The following PNPLA3 variants were observed in gnomAD, a reference collection of about 807,000 sequenced individuals.
The protein encoded by PNPLA3 is 1-acylglycerol-3-phosphate O-acyltransferase PNPLA3.
PNPLA3 carries 42 observed loss-of-function variants against 43.1 expected under a neutral mutation model. That is an observed-to-expected ratio of 0.97 (90% CI 0.76 to 1.26). The LOEUF is 1.26. Ranked by LOEUF, PNPLA3 falls within the 50% of genes most tolerant of loss-of-function variation. The pLI is 0.00. For synonymous variants in PNPLA3, 272 were observed against 253.6 expected, an observed-to-expected ratio of 1.07 and a Z score of -0.69; for missense variants, 647 against 621.4, an observed-to-expected ratio of 1.04 and a Z score of -0.44.
Position 43,928,840 on chromosome 22 carries a change from G to A in PNPLA3, c.437G>A (p.Cys146Tyr), listed in dbSNP as rs2146776408. The A allele has an allele frequency of 6.2e-7, 1 of 1,611,590 alleles. No individual in the cohort carries two copies. The highest frequency in any genetic ancestry group is 8.5e-7 in the Non-Finnish European group (1 of 1,177,840). The change falls in exon 3 of 9, where the codon TGC becomes TAC. Residue 146 changes from cysteine to tyrosine, a missense_variant. By Grantham distance (194) the Cys-to-Tyr change is radical. Transcript: ENST00000216180. ...DEVVDALVCS[C>Y]FIPFYSGLIP... ...CTTTCACAGGCCTTGGTATGTTCCTGCTTCATCCCCTTCTACAGTGGCCTT... is the reference window on the plus strand; with the variant it reads ...CTTTCACAGGCCTTGGTATGTTCCTACTTCATCCCCTTCTACAGTGGCCTT...
chr22:43,940,086 G>T lies in PNPLA3; in HGVS notation c.1073G>T (p.Cys358Phe). 1.2e-6 allele frequency: 2 copies of T among 1,614,146 alleles called. No homozygotes were observed. The highest frequency in any genetic ancestry group is 1.7e-6 in the Non-Finnish European group (2 of 1,180,006). Residue 358 changes from cysteine (C) to phenylalanine (F), a missense_variant, in exon 7 of 9, where the codon TGT (cysteine) becomes TTT (phenylalanine). Cys to Phe is a radical substitution (Grantham distance 205). Coordinates refer to ENST00000216180, the MANE Select transcript of PNPLA3 (RefSeq NM_025225.3). ...IRIMSYVMLPCTLPVESAIAI... is the reference protein window; with the variant it reads ...IRIMSYVMLPFTLPVESAIAI... ...ATAATGTCTTATGTAATGCTGCCCTGTACCCTGCCTGTGGAATCTGCCATT... is the reference window on the plus strand; with the variant it reads ...ATAATGTCTTATGTAATGCTGCCCTTTACCCTGCCTGTGGAATCTGCCATT...
chr22:43,939,917 G>A (rs1331696602), intron 6 of PNPLA3, 76 bp from the exon 7 acceptor site: 2 of 1,596,776 alleles, frequency 1.3e-6, no homozygotes, highest in Non-Finnish European at 1.7e-6. Flanking sequence ...TTATGGAAAT[G>A]CTAAGCACCA....
At chr22:43,943,555 T>G (rs953623563) in intron 7 of PNPLA3, among the ~76,000 whole-genome samples, 1 of 152,202 alleles carries the variant, frequency 6.6e-6, no homozygotes, top group Non-Finnish European at 1.5e-5. Flanking sequence ...AGTAATCTGT[T>G]GAAATATATA....
chr22:43,945,741 G>T (rs970852738), intron 8 of PNPLA3, among the ~76,000 whole-genome samples: 2 of 152,132 alleles, frequency 1.3e-5, no homozygotes, highest in African/African-American at 4.8e-5. Flanking sequence ...AGACCGAGAG[G>T]CTTCCTAAGG....
At chr22:43,939,110 G>A (rs2050014726) in intron 6 of PNPLA3, among the ~76,000 whole-genome samples, 1 of 152,096 alleles carries the variant, frequency 6.6e-6, no homozygotes, top group Non-Finnish European at 1.5e-5. Flanking sequence ...GTTTTCAGTA[G>A]AGACAGGGTT....
At chr22:43,924,919 G>A (rs1216139735) in intron 1 of PNPLA3, among the ~76,000 whole-genome samples, 4 of 152,068 alleles carry the variant, frequency 2.6e-5, no homozygotes, top group Non-Finnish European at 5.9e-5. Context: ...GAATGCTGGG[G>A]TTACAGGCGT....
In PNPLA3 at chr22:43,927,013, A is replaced by G. The variant is rs1569008881; in HGVS notation, c.266A>G (p.Asn89Ser). 1 of 1,614,206 alleles carries G rather than the reference A, an allele frequency of 6.2e-7. No homozygotes were observed. The highest frequency in any genetic ancestry group is 8.5e-7 in the Non-Finnish European group (1 of 1,180,048). The change falls in exon 2 of 9, where the codon AAC becomes AGC. Residue 89 changes from asparagine to serine, a missense_variant. Asn to Ser is a conservative substitution (Grantham distance 46, BLOSUM62 1). Transcript: ENST00000216180. ...ATTGGCATCTTCCATCCATCCTTCA[A>G]CTTAAGCAAGTTCCTCCGACAGGGT... ...RNIGIFHPSF[N>S]LSKFLRQGLC... is the part of the protein sequence containing the mutation.
At chr22:43,939,965 G>T (rs765574516) in intron 6 of PNPLA3, 28 bp from the exon 7 acceptor site, 4 of 1,614,050 alleles carry the variant, frequency 2.5e-6, no homozygotes, top group African/African-American at 2.7e-5. Flanking sequence ...AGTGGTGGGA[G>T]ATAATAGCTC....
At chr22:43,930,033 T>C (rs1734030622) in intron 3 of PNPLA3, among the ~76,000 whole-genome samples, 1 of 152,186 alleles carries the variant, frequency 6.6e-6, no homozygotes, top group Non-Finnish European at 1.5e-5. Flanking sequence ...TTTAGGGTAA[T>C]TTTTGAACTC....
intron 7 of PNPLA3, among the ~76,000 whole-genome samples, chr22:43,940,429 C>T (rs1267864049): frequency 3.9e-5 from 6 of 152,208 alleles, no homozygotes; most frequent in South Asian, 2.1e-4. Flanking sequence ...AGCTTGGGGT[C>T]ACTGCTCTGA....
chr22:43,932,890 G>A lies in PNPLA3; in HGVS notation c.499G>A (p.Gly167Arg). Residue 167 changes from glycine (G) to arginine (R), a missense_variant, in exon 4 of 9, where the codon GGA becomes AGA. Gly to Arg is a moderately radical substitution (Grantham distance 125). Coordinates refer to ENST00000216180, the MANE Select transcript of PNPLA3 (RefSeq NM_025225.3). ...CCTTCTTTAAAAGCGATATGTGGAT[G>A]GAGGAGTGAGTGACAACGTACCCTT... The part of the protein sequence containing the change: ...PSFRGVRYVD[G>R]GVSDNVPFID... 1 of 1,614,174 alleles carries A rather than the reference G, an allele frequency of 6.2e-7. No individual in the cohort carries two copies. Among genetic ancestry groups the A allele is most frequent in the Non-Finnish European group, 8.5e-7 (1 of 1,180,004 alleles).
chr22:43,934,539 A>C (rs1429475219), intron 4 of PNPLA3, 67 bp from the exon 5 acceptor site: 1 of 1,480,222 alleles, frequency 6.8e-7, no homozygotes, highest in African/African-American at 1.4e-5. Flanking sequence ...GCGGTCTTCC[A>C]ATGATGCTGA....
At chr22:43,944,206 C>T (rs36069781) in intron 7 of PNPLA3, among the ~76,000 whole-genome samples, 31,031 of 152,072 alleles carry the variant, frequency 0.2, 3,691 homozygotes, top group East Asian at 0.39. Flanking sequence ...CCACCACTGC[C>T]GGGGGGATGT....
At chr22:43,927,261 G>C in intron 2 of PNPLA3, 94 bp downstream of exon 2, 1 of 1,147,842 alleles carries the variant, frequency 8.7e-7, no homozygotes, top group Non-Finnish European at 1.3e-6. Flanking sequence ...CACTTTGGGA[G>C]GCCGAAGCGG....
chr22:43,944,366 G>T (rs942868465), intron 7 of PNPLA3, among the ~76,000 whole-genome samples: 1 of 152,240 alleles, frequency 6.6e-6, no homozygotes, highest in African/African-American at 2.4e-5. Context: ...TGAGGCAGGG[G>T]ATGGTCTTGA....
Position 43,926,960 on chromosome 22 carries a change from T to C in PNPLA3, c.213T>C (p.Asp71=). 1 of 1,614,236 alleles carries C rather than the reference T, an allele frequency of 6.2e-7. No homozygotes were observed. The highest frequency in any genetic ancestry group is 1.1e-5 in the South Asian group (1 of 91,084). Reference sequence around the variant, plus strand: ...AGCAGACTCTGCAGGTCCTCTCAGATCTTGTGCGGAAGGCCAGGAGTCGGA... The same window carrying C: ...AGCAGACTCTGCAGGTCCTCTCAGACCTTGTGCGGAAGGCCAGGAGTCGGA... ...PLEQTLQVLS[D]LVRKARSRNI... Residue 71 remains aspartate (D), a synonymous_variant, in exon 2 of 9, where the codon GAT becomes GAC. Coordinates refer to ENST00000216180, the MANE Select transcript of PNPLA3 (RefSeq NM_025225.3).
chr22:43,931,000 G>T (rs1185490089), intron 3 of PNPLA3, among the ~76,000 whole-genome samples: 1 of 152,134 alleles, frequency 6.6e-6, no homozygotes, highest in Non-Finnish European at 1.5e-5. Context: ...GGTGGCGGGC[G>T]CCTGTAGTCC....
At chr22:43,936,948 A>G in intron 5 of PNPLA3, 103 bp from the exon 6 acceptor site, 1 of 906,828 alleles carries the variant, frequency 1.1e-6, no homozygotes, top group East Asian at 2.6e-5. Flanking sequence ...CATTTGGCTA[A>G]TAACAGGCCA....
At position 43,944,612 on chromosome 22, in the gene PNPLA3, T is replaced by A. The variant is rs544429235; in HGVS notation, c.1113-79T>A. The A allele has an allele frequency of 3.3e-6, 4 of 1,214,038 alleles. No individual in the cohort carries two copies. The South Asian group carries it at 4.9e-5, about 15-fold the overall frequency. 75.2% of individuals were successfully genotyped at this position (1,214,038 alleles called of 1,614,324 possible). On this transcript the variant is annotated intron_variant, in intron 7 of 8. Transcript: ENST00000216180. ...TCAGATTGGAGGTGATGTTGGCAGC[T>A]TTTGTAAACAAAGGGTAGTGTTGTA...
Sources: allele counts gnomAD v4.1 joint callset (sites outside exome capture counted in the v4.1 genomes callset), GRCh38; gene constraint gnomAD v4.1.1; transcripts MANE v1.5; gene names NCBI Gene and HGNC (gene_info 2026-07-23, HGNC 2026-07-21).